UGT8: variants seen among roughly 807,000 people sequenced by gnomAD.
UGT8 encodes UDP glycosyltransferase 8, also known as 2-hydroxyacylsphingosine 1-beta-galactosyltransferase.
A neutral mutation model predicts 40.5 loss-of-function variants in UGT8; 12 were observed. That is an observed-to-expected ratio of 0.30 (90% confidence interval 0.19 to 0.48). UGT8 has a LOEUF of 0.48. Among genes scored for constraint, UGT8 ranks in the 20% least tolerant of loss-of-function variants. The probability of loss-of-function intolerance (pLI) is 0.99; values close to 1 mark genes in which losing one functional copy is unlikely to be tolerated. For missense variants in UGT8, 513 were observed against 648.7 expected (o/e 0.79, Z 2.27); for synonymous variants, 224 against 240.4 (o/e 0.93, Z 0.63).
At chr4:114,647,801 C>T (rs1472338356) in intron 2 of UGT8, among the ~76,000 whole-genome samples, 2 of 152,166 alleles carry the variant, frequency 1.3e-5, no homozygotes, top group East Asian at 3.9e-4. Flanking sequence ...CAGTGAGGGG[C>T]AGAAGACAGA....
intron 5 of UGT8, among the ~76,000 whole-genome samples, chr4:114,670,593 A>C (rs1354782525): frequency 2.6e-5 from 4 of 152,154 alleles, no homozygotes; most frequent in Non-Finnish European, 4.4e-5. Flanking sequence ...GATGCAGAAA[A>C]GCCTTTGATA....
At chr4:114,622,115 C>T (rs1731840340) in intron 1 of UGT8, among the ~76,000 whole-genome samples, 1 of 127,196 alleles carries the variant, frequency 7.9e-6, no homozygotes, top group Admixed American at 8.5e-5. Flanking sequence ...TCCCCCCACC[C>T]CACAACAGTC....
chr4:114,675,819 T>C, intron 5 of UGT8, 106 bp from the exon 6 acceptor site: 1 of 1,311,546 alleles, frequency 7.6e-7, no homozygotes, highest in Non-Finnish European at 1.0e-6. Flanking sequence ...AGGTACTTAC[T>C]AAAGAATAGT....
Position 114,661,318 on chromosome 4 carries a change from G to A in UGT8, c.823-2677G>A, listed in dbSNP as rs557865388. 4.6e-5 allele frequency among the ~76,000 whole-genome samples: 7 copies of A among 152,114 alleles called. No individual in the cohort carries two copies. The South Asian group carries it at 1.2e-3, about 27-fold the overall frequency. ...GTGTGTTGAACACATTTACCATGGA[G>A]TTTGTTTTCTAAGAGCTGTTATTAA... is the stretch of plus-strand genomic sequence containing the variant. On this transcript the variant is annotated intron_variant, in intron 2 of 5. Transcript: ENST00000310836.
chr4:114,601,972 T>C (rs1247332849), intron 1 of UGT8, among the ~76,000 whole-genome samples: 1 of 152,232 alleles, frequency 6.6e-6, no homozygotes, highest in Non-Finnish European at 1.5e-5. Flanking sequence ...GTGTAAATCC[T>C]GTAGACTTTG....
At chr4:114,616,881 A>G (rs1731475501) in intron 1 of UGT8, among the ~76,000 whole-genome samples, 1 of 152,164 alleles carries the variant, frequency 6.6e-6, no homozygotes, top group Non-Finnish European at 1.5e-5. Context: ...AAATTTCAGC[A>G]TATATGAACC....
At chr4:114,643,506 C>A (rs1733356938) in intron 2 of UGT8, among the ~76,000 whole-genome samples, 2 of 152,162 alleles carry the variant, frequency 1.3e-5, no homozygotes, top group South Asian at 4.1e-4. Context: ...GAAGCTAATA[C>A]TAGTTAACCT....
At chr4:114,610,704 T>C (rs1245232786) in intron 1 of UGT8, among the ~76,000 whole-genome samples, 1 of 152,158 alleles carries the variant, frequency 6.6e-6, no homozygotes, top group Non-Finnish European at 1.5e-5. Flanking sequence ...AGTTTGTTAT[T>C]TGTTCACCTG....
rs1051006269 is a variant in UGT8, at chr4:114,645,604, A to T, written c.823-18391A>T. 3.9e-5 allele frequency among the ~76,000 whole-genome samples: 6 copies of T among 152,192 alleles called. No individual in the cohort carries two copies. In the East Asian group the frequency reaches 1.2e-3, roughly 29 times the overall value. ...TAACATTTCTAATATTTTATACAAG[A>T]TGAAAAGAGAAATAGAGACAAGAAG... On this transcript the variant is annotated intron_variant, in intron 2 of 5. Coordinates refer to ENST00000310836, the MANE Select transcript of UGT8 (RefSeq NM_001128174.3).
chr4:114,610,859 G>A lies in UGT8; in HGVS notation c.-3+11885G>A, dbSNP rs193243476. Among the ~76,000 whole-genome samples, 189 of 152,206 alleles carry A rather than the reference G, an allele frequency of 1.2e-3. 1 individual carries two copies. The South Asian group carries it at 0.02, about 16-fold the overall frequency. ...TTATTTTGTGACTCTTAATATAAAT[G>A]TTAAAAATACATTTAAACTAGTGAT... On this transcript the variant is annotated intron_variant, in intron 1 of 5. Coordinates refer to ENST00000310836, the MANE Select transcript of UGT8 (RefSeq NM_001128174.3).
At chr4:114,656,759 TG>T (rs765408380) in intron 2 of UGT8, 1 of 519,146 alleles carries the variant, frequency 1.9e-6, no homozygotes, top group South Asian at 1.5e-5. Context: ...AGGCTGTATT[TG>T]GGGGAGTGAA....
At chr4:114,674,672 C>G (rs936761322) in intron 5 of UGT8, among the ~76,000 whole-genome samples, 1 of 152,158 alleles carries the variant, frequency 6.6e-6, no homozygotes, top group Non-Finnish European at 1.5e-5. Context: ...TGAATTTGTT[C>G]TGGGCATATT....
At chr4:114,674,425 A>T (rs947790047) in intron 5 of UGT8, among the ~76,000 whole-genome samples, 4 of 151,916 alleles carry the variant, frequency 2.6e-5, no homozygotes, top group Non-Finnish European at 5.9e-5. Context: ...CCTTCCCTTT[A>T]TCTGTCTAAT....
chr4:114,627,422 C>A (rs964212373), intron 2 of UGT8, among the ~76,000 whole-genome samples: 30 of 151,820 alleles, frequency 2.0e-4, no homozygotes, highest in African/African-American at 7.3e-4. Flanking sequence ...CCATACCCAG[C>A]TAATTTTTCG....
intron 1 of UGT8, among the ~76,000 whole-genome samples, chr4:114,620,902 A>C (rs1483122765): frequency 6.6e-6 from 1 of 152,182 alleles, no homozygotes; most frequent in Non-Finnish European, 1.5e-5. Context: ...AGGAGTAAAA[A>C]TAGATATCAA....
At chr4:114,608,844 G>A (rs1387743011) in intron 1 of UGT8, among the ~76,000 whole-genome samples, 1 of 152,076 alleles carries the variant, frequency 6.6e-6, no homozygotes, top group Admixed American at 6.6e-5. Context: ...TGAAACCATA[G>A]TTGGAGAAAA....
chr4:114,650,565 T>C (rs980477416), intron 2 of UGT8, among the ~76,000 whole-genome samples: 13 of 152,194 alleles, frequency 8.5e-5, no homozygotes, highest in Non-Finnish European at 1.9e-4. Context: ...GTATAATATA[T>C]GTATTCTTAT....
intron 1 of UGT8, among the ~76,000 whole-genome samples, chr4:114,599,323 A>G (rs957382062): frequency 6.6e-6 from 1 of 152,080 alleles, no homozygotes. Context: ...CGGGGAGGCG[A>G]TTCGGCCGAG....
intron 2 of UGT8, among the ~76,000 whole-genome samples, chr4:114,653,077 G>A (rs1170222549): frequency 6.6e-6 from 1 of 151,958 alleles, no homozygotes; most frequent in African/African-American, 2.4e-5. Context: ...TGTTGCAAAC[G>A]AGTTTACTTC....
Sources: gnomAD v4.1 joint callset for allele counts (sites outside exome capture counted in the v4.1 genomes callset) on GRCh38, gnomAD v4.1.1 for gene constraint, MANE v1.5 for transcripts, NCBI Gene and HGNC (gene_info 2026-07-23, HGNC 2026-07-21) for gene names.